Variants in NCDN observed in about 807,000 individuals in gnomAD.
The protein encoded by NCDN is neurochondrin.
In NCDN, 9 loss-of-function variants were observed where a neutral mutation model predicts 60.7. That is an observed-to-expected ratio of 0.15 (90% confidence interval 0.09 to 0.26). The LOEUF (loss-of-function observed/expected upper bound fraction) is 0.26, where lower values mean the gene tolerates loss of function less well. NCDN is among the 10% of genes least tolerant of loss of function. NCDN has a pLI of 1.00. For missense variants in NCDN, 578 were observed against 975.2 expected (o/e 0.59, Z 5.42); for synonymous variants, 409 against 442.5 (o/e 0.92, Z 0.95).
chr1:35,558,414 TA>T lies in NCDN; in HGVS notation c.33+193del. Reference sequence around the variant, plus strand: ...GGCGAGAAGAGGGAGCGCAAGGGGTTAATTCTGCTGCTGCCGCCGCCGCTGC... The same window carrying T: ...GGCGAGAAGAGGGAGCGCAAGGGGTTATTCTGCTGCTGCCGCCGCCGCTGC... On this transcript the variant is annotated intron_variant, in intron 1 of 6. Transcript: ENST00000373243. This position sits in a 1 kb window ranked among gnomAD's most constrained non-coding sequence, Gnocchi z 6.3. 1 of 1,456,986 alleles carries T rather than the reference TA, an allele frequency of 6.9e-7. No homozygotes were observed. Among genetic ancestry groups the T allele is most frequent in the Non-Finnish European group, 9.0e-7 (1 of 1,110,298 alleles). 90.3% of individuals were successfully genotyped at this position (1,456,986 alleles called of 1,614,324 possible).
At position 35,566,605 on chromosome 1, in the gene NCDN, A is replaced by G. The variant is rs1571089445; in HGVS notation, c.*942A>G. The G allele has an allele frequency of 2.8e-6, 1 of 355,524 alleles. No individual in the cohort carries two copies. The highest frequency in any genetic ancestry group is 2.0e-5 in the South Asian group (1 of 48,936). The allele number at this position is 355,524 out of a possible 1,614,324, so 22.0% of individuals were successfully genotyped here. A position where few individuals can be genotyped will look rare whatever the true frequency, so the allele number is the denominator to read the frequency against. ...GCGACTGGCGGCTCCAGCAGGGACT[A>G]CCTTTCTTATAAACCCAGGGGGACC... On this transcript the variant is annotated 3_prime_UTR_variant, in exon 7 of 7. Transcript: ENST00000373243. This position sits in a 1 kb window ranked among gnomAD's most constrained non-coding sequence, Gnocchi z 5.3.
At chr1:35,564,680 A>G (rs947154681) in intron 6 of NCDN, among the ~76,000 whole-genome samples, 3 of 152,022 alleles carry the variant, frequency 2.0e-5, no homozygotes, top group Non-Finnish European at 4.4e-5. Context: ...CCCCAATTTC[A>G]TGGTCCCAGT....
intron 2 of NCDN, among the ~76,000 whole-genome samples, chr1:35,559,516 A>G (rs1395744007): frequency 6.6e-6 from 1 of 152,218 alleles, no homozygotes; most frequent in East Asian, 1.9e-4. Flanking sequence ...GCTGACTCAT[A>G]GGGTAACAGC....
rs952300450 is a variant in NCDN at position 35,558,554 on chromosome 1, C to G, written c.33+331C>G. On this transcript the variant is annotated intron_variant, in intron 1 of 6. Coordinates refer to ENST00000373243, the MANE Select transcript of NCDN (RefSeq NM_014284.3). The surrounding 1 kb of genome is among the most constrained non-coding windows in gnomAD (Gnocchi z 6.3). ...GGGGTCCCCAAAGGGGCCTCCAAGC[C>G]TTCCCTGTTGAGCGTCTTGTATTCT... 7.6e-7 allele frequency: 1 copy of G among 1,313,032 alleles called. No homozygotes were observed. The highest frequency in any genetic ancestry group is 1.5e-5 in the African/African-American group (1 of 66,896). The allele number at this position is 1,313,032 out of a possible 1,614,324, so 81.3% of individuals were successfully genotyped here. A position where few individuals can be genotyped will look rare whatever the true frequency, so the allele number is the denominator to read the frequency against.
In NCDN at chr1:35,563,171, C is replaced by G; in HGVS notation, c.1386-31C>G. The stretch of plus-strand genomic sequence containing the variant: ...CTATGTGCCTTCATCTCTCCCAATC[C>G]CACACACGTCTGTCCCTTCCACATC... On this transcript the variant is annotated intron_variant, in intron 4 of 6. Transcript: ENST00000373243. The surrounding 1 kb of genome is among the most constrained non-coding windows in gnomAD (Gnocchi z 6.6). 6.3e-7 allele frequency: 1 copy of G among 1,582,870 alleles called. No individual in the cohort carries two copies. The highest frequency in any genetic ancestry group is 8.6e-7 in the Non-Finnish European group (1 of 1,159,112).
Position 35,558,647 on chromosome 1 carries a change from C to T in NCDN, c.33+424C>T. ...AGGAAGCCTGGGGTGTCCTTTTCTC[C>T]CATGTCAGCCTGAGTCCGGATAATC... is the stretch of plus-strand genomic sequence containing the variant. On this transcript the variant is annotated intron_variant, in intron 1 of 6. Transcript: ENST00000373243. The surrounding 1 kb of genome is among the most constrained non-coding windows in gnomAD (Gnocchi z 6.3). 8.7e-7 allele frequency: 1 copy of T among 1,143,664 alleles called. No homozygotes were observed. Among genetic ancestry groups the T allele is most frequent in the Non-Finnish European group, 1.1e-6 (1 of 926,924 alleles). 70.8% of individuals were successfully genotyped at this position (1,143,664 alleles called of 1,614,324 possible).
rs1251468193 is a variant in NCDN at position 35,558,806 on chromosome 1, C to G, written c.34-301C>G. 5.8e-6 allele frequency: 5 copies of G among 860,440 alleles called. No homozygotes were observed. The highest frequency in any genetic ancestry group is 1.7e-5 in the African/African-American group (1 of 59,102). The allele number at this position is 860,440 out of a possible 1,614,324, so 53.3% of individuals were successfully genotyped here. On this transcript the variant is annotated intron_variant, in intron 1 of 6. Coordinates refer to ENST00000373243, the MANE Select transcript of NCDN (RefSeq NM_014284.3). This position sits in a 1 kb window ranked among gnomAD's most constrained non-coding sequence, Gnocchi z 6.3. Reference sequence around the variant, plus strand: ...GCTGAGCAGTGGGGCCAGCTCCCGCCCACCCCCAGGAGACTGGTGAGGAGA... The same window carrying G: ...GCTGAGCAGTGGGGCCAGCTCCCGCGCACCCCCAGGAGACTGGTGAGGAGA...
At position 35,563,796 on chromosome 1, in the gene NCDN, A is replaced by C; in HGVS notation, c.1640A>C (p.Asn547Thr). The C allele has an allele frequency of 1.2e-6, 2 of 1,613,786 alleles. No individual in the cohort carries two copies. Among genetic ancestry groups the C allele is most frequent in the South Asian group, 2.2e-5 (2 of 91,062 alleles). The change falls in exon 6 of 7, where the codon AAC (asparagine) becomes ACC (threonine). Residue 547 changes from asparagine (N) to threonine (T), a missense_variant. By Grantham distance (65) the Asn-to-Thr change is moderately conservative. This residue lies in a region of NCDN where 191 missense variants were observed against 372.1 expected (regional missense o/e 0.51). Transcript: ENST00000373243. The surrounding 1 kb of genome is among the most constrained non-coding windows in gnomAD (Gnocchi z 6.6). ...GACGCCTGCTTCACATCTCTAATGA[A>C]CACCCTCATGACGTCGCTACCAGCA... ...KRDACFTSLM[N>T]TLMTSLPALV...
At chr1:35,559,078 G>A in intron 1 of NCDN, 29 bp from the exon 2 acceptor site, 2 of 1,439,360 alleles carry the variant, frequency 1.4e-6, no homozygotes, top group Non-Finnish European at 1.9e-6. Context: ...CCTCTGCAGA[G>A]GGATGCTCAG....
chr1:35,561,544 A>C lies in NCDN; in HGVS notation c.1143+250A>C, dbSNP rs1463382481. Among the ~76,000 whole-genome samples the C allele has an allele frequency of 2.0e-5, 3 of 151,764 alleles. No homozygotes were observed. Among genetic ancestry groups the C allele is most frequent in the Non-Finnish European group, 4.4e-5 (3 of 67,912 alleles). On this transcript the variant is annotated intron_variant, in intron 3 of 6. Coordinates refer to ENST00000373243, the MANE Select transcript of NCDN (RefSeq NM_014284.3). This position sits in a 1 kb window ranked among gnomAD's most constrained non-coding sequence, Gnocchi z 4.9. ...GTACACACACACGCACACACACACA[A>C]CACAGTAACCTCCCACTCAAACGCT...
In NCDN at chr1:35,565,348, G is replaced by T; in HGVS notation, c.1875G>T (p.Glu625Asp). The change falls in exon 7 of 7, where the codon GAG becomes GAT. Residue 625 changes from glutamate to aspartate, a missense_variant. This residue lies in a region of NCDN where 191 missense variants were observed against 372.1 expected (regional missense o/e 0.51). Coordinates refer to ENST00000373243, the MANE Select transcript of NCDN (RefSeq NM_014284.3). This position sits in a 1 kb window ranked among gnomAD's most constrained non-coding sequence, Gnocchi z 8.9. ...SDQAVLALSP[E>D]YEGIWADLQE... ...AGGCAGTGCTAGCCCTGTCCCCTGA[G>T]TATGAGGGCATCTGGGCCGACCTGC... 1 of 1,613,996 alleles carries T rather than the reference G, an allele frequency of 6.2e-7. No homozygotes were observed. Among genetic ancestry groups the T allele is most frequent in the South Asian group, 1.1e-5 (1 of 91,086 alleles).
chr1:35,559,393 C>A, intron 2 of NCDN, 146 bp downstream of exon 2: 1 of 1,015,314 alleles, frequency 9.8e-7, no homozygotes, highest in Non-Finnish European at 1.4e-6. Context: ...TACCTTTGTG[C>A]TCTTTTTTGC....
chr1:35,559,908 G>A (rs1324939423), intron 2 of NCDN, among the ~76,000 whole-genome samples: 1 of 152,156 alleles, frequency 6.6e-6, no homozygotes, highest in African/African-American at 2.4e-5. Context: ...AGACACAGGA[G>A]CCATTTCCCC....
Position 35,561,234 on chromosome 1 carries a change from G to A in NCDN, c.1083G>A (p.Lys361=), listed in dbSNP as rs1327058124. 4 of 1,611,658 alleles carry A rather than the reference G, an allele frequency of 2.5e-6. No homozygotes were observed. The African/African-American group carries it at 4.0e-5, about 16-fold the overall frequency. ...CEQSLLKEPQ[K]VQLVSVMKEA... is the part of the protein sequence containing the mutation. ...AGTCACTGCTTAAGGAGCCACAGAA[G>A]GTGCAGCTCGTGAGCGTCATGAAGG... is the stretch of plus-strand genomic sequence containing the variant. The change falls in exon 3 of 7, where the codon AAG becomes AAA. Residue 361 remains lysine, a synonymous_variant. Coordinates refer to ENST00000373243, the MANE Select transcript of NCDN (RefSeq NM_014284.3). This position sits in a 1 kb window ranked among gnomAD's most constrained non-coding sequence, Gnocchi z 4.9.
intron 6 of NCDN, among the ~76,000 whole-genome samples, chr1:35,564,442 T>C (rs999764524): frequency 6.6e-6 from 1 of 152,130 alleles, no homozygotes; most frequent in Non-Finnish European, 1.5e-5. Context: ...TGGCTGTGGG[T>C]GTCTGCTTGG....
At position 35,561,216 on chromosome 1, in the gene NCDN, G is replaced by A; in HGVS notation, c.1065G>A (p.Leu355=). The A allele has an allele frequency of 6.2e-7, 1 of 1,610,652 alleles. No individual in the cohort carries two copies. Among genetic ancestry groups the A allele is most frequent in the Non-Finnish European group, 8.5e-7 (1 of 1,178,804 alleles). Residue 355 remains leucine (L), a synonymous_variant, in exon 3 of 7, where the codon CTG becomes CTA. Transcript: ENST00000373243. This position sits in a 1 kb window ranked among gnomAD's most constrained non-coding sequence, Gnocchi z 4.9. ...AATGCACTCGCTGTGAGCAGTCACT[G>A]CTTAAGGAGCCACAGAAGGTGCAGC... The part of the protein sequence containing the change: ...IQECTRCEQS[L]LKEPQKVQLV...
At position 35,561,025 on chromosome 1, in the gene NCDN, T is replaced by G. The variant is rs754530076; in HGVS notation, c.874T>G (p.Cys292Gly). The G allele has an allele frequency of 6.2e-7, 1 of 1,612,856 alleles. No individual in the cohort carries two copies. Among genetic ancestry groups the G allele is most frequent in the Non-Finnish European group, 8.5e-7 (1 of 1,179,368 alleles). The change falls in exon 3 of 7, where the codon TGC becomes GGC. Residue 292 changes from cysteine (C) to glycine (G), a missense_variant. Cys to Gly is a radical substitution (Grantham distance 159, BLOSUM62 -3). Coordinates refer to ENST00000373243, the MANE Select transcript of NCDN (RefSeq NM_014284.3). The surrounding 1 kb of genome is among the most constrained non-coding windows in gnomAD (Gnocchi z 4.9). Reference sequence around the variant, plus strand: ...GCTGGCAGCCCGCCTGGCACACGCCTGCGGCTCCGACTGGATCCCGGCGGG... The same window carrying G: ...GCTGGCAGCCCGCCTGGCACACGCCGGCGGCTCCGACTGGATCCCGGCGGG... ...LKLAARLAHA[C>G]GSDWIPAGSS...
In NCDN at chr1:35,563,563, A is replaced by T; in HGVS notation, c.1610+137A>T. 1 of 1,086,554 alleles carries T rather than the reference A, an allele frequency of 9.2e-7. No homozygotes were observed. The highest frequency in any genetic ancestry group is 1.5e-5 in the South Asian group (1 of 67,080). The allele number at this position is 1,086,554 out of a possible 1,614,324, so 67.3% of individuals were successfully genotyped here. A position where few individuals can be genotyped will look rare whatever the true frequency, so the allele number is the denominator to read the frequency against. On this transcript the variant is annotated intron_variant, in intron 5 of 6. Transcript: ENST00000373243. The surrounding 1 kb of genome is among the most constrained non-coding windows in gnomAD (Gnocchi z 6.6). ...TGGTAGCATGGGGGTCTCAGAGTAG[A>T]CATAGCCAGCCCCGCACAAGGATTC... is the stretch of plus-strand genomic sequence containing the variant.
chr1:35,560,197 T>G lies in NCDN; in HGVS notation c.175-129T>G. 1 of 1,253,786 alleles carries G rather than the reference T, an allele frequency of 8.0e-7. No individual in the cohort carries two copies. The highest frequency in any genetic ancestry group is 1.4e-5 in the South Asian group (1 of 69,204). The allele number at this position is 1,253,786 out of a possible 1,614,324, so 77.7% of individuals were successfully genotyped here. A position where few individuals can be genotyped will look rare whatever the true frequency, so the allele number is the denominator to read the frequency against. ...CTCTAAGGAGAAAAAAGGAGCTGGA[T>G]GAAATGACCTCAGATGAGTCCTGTT... On this transcript the variant is annotated intron_variant, in intron 2 of 6. Transcript: ENST00000373243. This position sits in a 1 kb window ranked among gnomAD's most constrained non-coding sequence, Gnocchi z 7.6.
Sources: gnomAD v4.1 joint callset for allele counts (sites outside exome capture counted in the v4.1 genomes callset) on GRCh38, gnomAD v4.1.1 for gene constraint, gnomAD v4.1.1 regional missense constraint, Gnocchi (gnomAD v3.1) non-coding constraint, MANE v1.5 for transcripts, NCBI Gene and HGNC (gene_info 2026-07-23, HGNC 2026-07-21) for gene names.